The following AOC1 variants were observed in gnomAD, a reference collection of about 807,000 sequenced individuals.
The protein encoded by AOC1 is amine oxidase copper containing 1.
Under a neutral mutation model 57.1 loss-of-function variants are expected in AOC1, and 58 were observed. The ratio of observed to expected loss-of-function variants is 1.02; its 90% CI spans 0.82 to 1.26. The LOEUF is 1.26. AOC1 is among the 50% of genes most tolerant of loss of function. The pLI, the probability that AOC1 is intolerant of heterozygous loss-of-function variation, is 0.00. For missense variants in AOC1, 917 were observed against 1,005.3 expected, an observed-to-expected ratio of 0.91 and a Z score of 1.19; for synonymous variants, 401 against 423.4, an observed-to-expected ratio of 0.95 and a Z score of 0.65.
Position 150,857,410 on chromosome 7 carries a change from G to A in AOC1, c.940G>A (p.Gly314Ser). ...CCACGGCCCTCGCTTCAGGCTGGAG[G>A]GCAACGCTGTGCTCTACGGCGGCTG... is the stretch of plus-strand genomic sequence containing the variant. Reference protein sequence around the residue: ...QPHGPRFRLEGNAVLYGGWSF... With the variant: ...QPHGPRFRLESNAVLYGGWSF... The change falls in exon 2 of 5, where the codon GGC (glycine) becomes AGC (serine). Residue 314 changes from glycine to serine, a missense_variant. Transcript: ENST00000360937. This position sits in a 1 kb window ranked among gnomAD's most constrained non-coding sequence, Gnocchi z 6.6. 1 of 1,611,662 alleles carries A rather than the reference G, an allele frequency of 6.2e-7. No homozygotes were observed. The highest frequency in any genetic ancestry group is 1.1e-5 in the South Asian group (1 of 91,044).
At position 150,853,270 on chromosome 7, in the gene AOC1, G is replaced by A. The variant is rs193088983; in HGVS notation, c.-17+712G>A. 7.4e-4 allele frequency among the ~76,000 whole-genome samples: 113 copies of A among 152,296 alleles called. 1 individual carries two copies. The East Asian group carries it at 0.018, about 24-fold the overall frequency. The stretch of plus-strand genomic sequence containing the variant: ...CTGATGTAAACTGTGGGCTCTGGGT[G>A]AGAGTGATGTGCAGGTTCATCAGCC... On this transcript the variant is annotated intron_variant, in intron 1 of 4. Transcript: ENST00000360937.
chr7:150,854,774 T>C (rs1229716447), intron 1 of AOC1, among the ~76,000 whole-genome samples: 1 of 152,176 alleles, frequency 6.6e-6, no homozygotes, highest in African/African-American at 2.4e-5. Context: ...CCTCAGTGGG[T>C]CACTCCACGA....
intron 3 of AOC1, 191 bp from the exon 4 acceptor site, chr7:150,860,310 G>C: frequency 1.2e-6 from 1 of 812,458 alleles, no homozygotes; most frequent in Non-Finnish European, 1.9e-6. Flanking sequence ...GAGGGGGGCG[G>C]GGAGGACTCC....
In AOC1 at chr7:150,858,901, A is replaced by G. The variant is rs201521612; in HGVS notation, c.1709A>G (p.Lys570Arg). 92 of 1,613,548 alleles carry G rather than the reference A, an allele frequency of 5.7e-5. No homozygotes were observed. Among genetic ancestry groups the G allele is most frequent in the Middle Eastern group, 1.7e-4 (1 of 6,060 alleles). The change falls in exon 3 of 5, where the codon AAA becomes AGA. Residue 570 changes from lysine (K) to arginine (R), a missense_variant. Coordinates refer to ENST00000360937, the MANE Select transcript of AOC1 (RefSeq NM_001091.4). ...SWERQAAFRF[K>R]RKLPKYLLFT... ...GAGCGCCAGGCGGCCTTCCGCTTCA[A>G]AAGGAAGCTGCCTAAGTACCTGCTC... is the stretch of plus-strand genomic sequence containing the variant.
In AOC1 at chr7:150,860,584, C is replaced by T; in HGVS notation, c.1940C>T (p.Pro647Leu). 1 of 1,614,032 alleles carries T rather than the reference C, an allele frequency of 6.2e-7. No individual in the cohort carries two copies. Among genetic ancestry groups the T allele is most frequent in the South Asian group, 1.1e-5 (1 of 91,074 alleles). ...CACCAGAACGACCCCTGGCACCCGC[C>T]CGTGGTCTTTGAGCAGTTTCTTCAC... Reference protein sequence around the residue: ...IYHQNDPWHPPVVFEQFLHNN... With the variant: ...IYHQNDPWHPLVVFEQFLHNN... Residue 647 changes from proline to leucine, a missense_variant, in exon 4 of 5, where the codon CCC (proline) becomes CTC (leucine). Physicochemically the swap from Pro to Leu is moderately conservative, Grantham distance 98. Transcript: ENST00000360937.
In AOC1 at chr7:150,861,356, G is replaced by GCACA. The variant is rs34090933; in HGVS notation, c.*154_*157dup. ...GTGTAGGAAACACACGAACAGACGT[G>GCACA]CACACACACAGACGTGCACACACAC... On this transcript the variant is annotated 3_prime_UTR_variant, in exon 5 of 5. Coordinates refer to ENST00000360937, the MANE Select transcript of AOC1 (RefSeq NM_001091.4). The surrounding 1 kb of genome is among the most constrained non-coding windows in gnomAD (Gnocchi z 4.5). 69 of 779,094 alleles carry GCACA rather than the reference G, an allele frequency of 8.9e-5. No individual in the cohort carries two copies. The highest frequency in any genetic ancestry group is 3.1e-4 in the East Asian group (11 of 35,976). 48.3% of individuals were successfully genotyped at this position (779,094 alleles called of 1,614,324 possible). A position where few individuals can be genotyped will look rare whatever the true frequency, so the allele number is the denominator to read the frequency against.
In AOC1 at chr7:150,856,354, G is replaced by A; in HGVS notation, c.-16-101G>A. The A allele has an allele frequency of 1.4e-6, 2 of 1,410,198 alleles. No homozygotes were observed. The highest frequency in any genetic ancestry group is 1.9e-6 in the Non-Finnish European group (2 of 1,061,652). The allele number at this position is 1,410,198 out of a possible 1,614,324, so 87.4% of individuals were successfully genotyped here. ...GCCTCCAGCTTGGGGCAGGGCAAGGGGAGGAAGCTCAGTCCATGGGAAAAT... is the reference window on the plus strand; with the variant it reads ...GCCTCCAGCTTGGGGCAGGGCAAGGAGAGGAAGCTCAGTCCATGGGAAAAT... On this transcript the variant is annotated intron_variant, in intron 1 of 4. Coordinates refer to ENST00000360937, the MANE Select transcript of AOC1 (RefSeq NM_001091.4). The surrounding 1 kb of genome is among the most constrained non-coding windows in gnomAD (Gnocchi z 5.2).
rs774492570 is a variant in AOC1 at position 150,857,449 on chromosome 7, C to G, written c.979C>G (p.Arg327Gly). Residue 327 changes from arginine to glycine, a missense_variant, in exon 2 of 5, where the codon CGG (arginine) becomes GGG (glycine). Physicochemically the swap from Arg to Gly is moderately radical, Grantham distance 125 (BLOSUM62 -2). Transcript: ENST00000360937. The surrounding 1 kb of genome is among the most constrained non-coding windows in gnomAD (Gnocchi z 6.6). ...CTACGGCGGCTGGAGCTTTGCCTTC[C>G]GGCTGCGCTCCTCCTCCGGGCTGCA... Reference protein sequence around the residue: ...VLYGGWSFAFRLRSSSGLQVL... With the variant: ...VLYGGWSFAFGLRSSSGLQVL... 2 of 1,611,454 alleles carry G rather than the reference C, an allele frequency of 1.2e-6. No individual in the cohort carries two copies. Among genetic ancestry groups the G allele is most frequent in the Admixed American group, 1.7e-5 (1 of 59,978 alleles).
rs904552399 is a variant in AOC1, at chr7:150,860,138, C to G, written c.1857-363C>G. On this transcript the variant is annotated intron_variant, in intron 3 of 4. Coordinates refer to ENST00000360937, the MANE Select transcript of AOC1 (RefSeq NM_001091.4). The stretch of plus-strand genomic sequence containing the variant: ...AGGTTGCAGTGAGCCAAGATCGCAT[C>G]ACTGCACTCCAGCCTGGGTGACAGA... Among the ~76,000 whole-genome samples, 5 of 151,672 alleles carry G rather than the reference C, an allele frequency of 3.3e-5. 1 individual carries two copies. Among genetic ancestry groups the G allele is most frequent in the Middle Eastern group, 3.2e-3 (1 of 316 alleles).
At chr7:150,860,681 C>A in intron 4 of AOC1, 48 bp downstream of exon 4, 1 of 1,590,702 alleles carries the variant, frequency 6.3e-7, no homozygotes, top group Non-Finnish European at 8.6e-7. Flanking sequence ...TGCCTCCTTC[C>A]AGCTCAGCCC....
Position 150,857,247 on chromosome 7 carries a change from C to T in AOC1, c.777C>T (p.Asp259=), listed in dbSNP as rs1171294662. The change falls in exon 2 of 5, where the codon GAC becomes GAT. Residue 259 remains aspartate (D), a synonymous_variant. Transcript: ENST00000360937. This position sits in a 1 kb window ranked among gnomAD's most constrained non-coding sequence, Gnocchi z 6.6. ...LARKYADGEV[D]VVVLEDPLPG... ...GGAAGTATGCAGATGGAGAGGTGGA[C>T]GTGGTGGTCCTGGAGGACCCGCTGC... 14 of 1,611,146 alleles carry T rather than the reference C, an allele frequency of 8.7e-6. No individual in the cohort carries two copies. Among genetic ancestry groups the T allele is most frequent in the African/African-American group, 2.7e-5 (2 of 74,900 alleles).
intron 1 of AOC1, among the ~76,000 whole-genome samples, chr7:150,853,237 A>G (rs1251646909): frequency 6.6e-6 from 1 of 152,176 alleles, no homozygotes; most frequent in African/African-American, 2.4e-5. Flanking sequence ...CAGCAGCAAG[A>G]GTGAGTCCTG....
At position 150,861,388 on chromosome 7, in the gene AOC1, ATGCACACACACACAGACG is replaced by A. The variant is rs1799965745; in HGVS notation, c.*192_*209del. ...CACAGACGTGCACACACACACAGAC[ATGCACACACACACAGACG>A]TGCACACACACAGACGTGCACGCAC... On this transcript the variant is annotated 3_prime_UTR_variant, in exon 5 of 5. Transcript: ENST00000360937. This position sits in a 1 kb window ranked among gnomAD's most constrained non-coding sequence, Gnocchi z 4.5. 7 of 651,156 alleles carry A rather than the reference ATGCACACACACACAGACG, an allele frequency of 1.1e-5. No individual in the cohort carries two copies. The highest frequency in any genetic ancestry group is 3.6e-5 in the African/African-American group (2 of 55,198). The allele number at this position is 651,156 out of a possible 1,614,324, so 40.3% of individuals were successfully genotyped here.
In AOC1 at chr7:150,857,805, G is replaced by A. The variant is rs201997607; in HGVS notation, c.1335G>A (p.Leu445=). ...FKGGFNFYAG[L]KGQVLVLRTT... ...GTGGCTTCAACTTCTATGCGGGGCT[G>A]AAGGGCCAGGTGCTGGTGCTGCGGA... The change falls in exon 2 of 5, where the codon CTG becomes CTA. Residue 445 remains leucine (L), a synonymous_variant. Transcript: ENST00000360937. The surrounding 1 kb of genome is among the most constrained non-coding windows in gnomAD (Gnocchi z 6.6). The A allele has an allele frequency of 7.3e-4, 1,171 of 1,614,202 alleles. 6 individuals carry two copies. Among genetic ancestry groups the A allele is most frequent in the Non-Finnish European group, 9.3e-4 (1,095 of 1,180,002 alleles).
Position 150,861,230 on chromosome 7 carries a change from C to A in AOC1, c.*21C>A, listed in dbSNP as rs768456671. The A allele has an allele frequency of 1.3e-6, 2 of 1,545,736 alleles. No homozygotes were observed. The highest frequency in any genetic ancestry group is 1.9e-5 in the Admixed American group (1 of 54,010). On this transcript the variant is annotated 3_prime_UTR_variant, in exon 5 of 5. Transcript: ENST00000360937. The surrounding 1 kb of genome is among the most constrained non-coding windows in gnomAD (Gnocchi z 4.5). ...TGTGACCAGCCCCCAGTTCCTCCCC[C>A]AGTTCCTCCCAGGAAGCCCAGGAGC...
intron 3 of AOC1, chr7:150,860,044 T>C (rs113986050): frequency 0.14 from 23,975 of 166,598 alleles, 2,051 homozygotes; most frequent in Non-Finnish European, 0.19. Flanking sequence ...CCGGGTGTGG[T>C]CGTGGGCGCC....
chr7:150,860,876 A>G, intron 4 of AOC1, 67 bp from the exon 5 acceptor site: 1 of 1,536,406 alleles, frequency 6.5e-7, no homozygotes, highest in African/African-American at 1.4e-5. Context: ...AAATGACCAA[A>G]GGCTAGAGTG....
At chr7:150,860,828 G>A in intron 4 of AOC1, 115 bp from the exon 5 acceptor site, 1 of 1,441,960 alleles carries the variant, frequency 6.9e-7, no homozygotes, top group Non-Finnish European at 9.4e-7. Flanking sequence ...TTAAAAAGGG[G>A]CTGGAGAGGA....
Position 150,856,368 on chromosome 7 carries a change from C to T in AOC1, c.-16-87C>T. 1 of 1,462,854 alleles carries T rather than the reference C, an allele frequency of 6.8e-7. No homozygotes were observed. Among genetic ancestry groups the T allele is most frequent in the Admixed American group, 2.3e-5 (1 of 43,088 alleles). The allele number at this position is 1,462,854 out of a possible 1,614,324, so 90.6% of individuals were successfully genotyped here. ...GCAGGGCAAGGGGAGGAAGCTCAGTCCATGGGAAAATTCCATGGCCCTAAC... is the reference window on the plus strand; with the variant it reads ...GCAGGGCAAGGGGAGGAAGCTCAGTTCATGGGAAAATTCCATGGCCCTAAC... On this transcript the variant is annotated intron_variant, in intron 1 of 4. Coordinates refer to ENST00000360937, the MANE Select transcript of AOC1 (RefSeq NM_001091.4). This position sits in a 1 kb window ranked among gnomAD's most constrained non-coding sequence, Gnocchi z 5.2.
Sources: allele counts gnomAD v4.1 joint callset (sites outside exome capture counted in the v4.1 genomes callset), GRCh38; gene constraint gnomAD v4.1.1; non-coding constraint Gnocchi (gnomAD v3.1); transcripts MANE v1.5; gene names NCBI Gene and HGNC (gene_info 2026-07-23, HGNC 2026-07-21).